Variants in SPATA16 observed in about 807,000 individuals in gnomAD.
SPATA16 encodes spermatogenesis-associated protein 16.
Under a neutral mutation model 63.3 loss-of-function variants are expected in SPATA16, and 36 were observed. That is an observed-to-expected ratio of 0.57 (90% confidence interval 0.44 to 0.75). The LOEUF (loss-of-function observed/expected upper bound fraction) is 0.75, where lower values mean the gene tolerates loss of function less well. Among genes scored for constraint, SPATA16 ranks in the 30% least tolerant of loss-of-function variants. The pLI is 0.00. For synonymous variants in SPATA16, 203 were observed against 216.7 expected, an observed-to-expected ratio of 0.94 and a Z score of 0.56; for missense variants, 646 against 679.3, an observed-to-expected ratio of 0.95 and a Z score of 0.54.
chr3:173,062,291 T>TCC (rs1044422569), intron 2 of SPATA16, among the ~76,000 whole-genome samples: 7 of 152,142 alleles, frequency 4.6e-5, no homozygotes, highest in African/African-American at 1.7e-4. Context: ...TAAACCTTCT[T>TCC]CCCTCCTTGC....
At chr3:172,974,414 G>A (rs1469490728) in intron 5 of SPATA16, among the ~76,000 whole-genome samples, 1 of 152,040 alleles carries the variant, frequency 6.6e-6, no homozygotes, top group Admixed American at 6.6e-5. Flanking sequence ...GAAGTCATCA[G>A]TGAAATTGCT....
At chr3:173,090,551 CT>C (rs1560119797) in intron 2 of SPATA16, among the ~76,000 whole-genome samples, 1 of 152,050 alleles carries the variant, frequency 6.6e-6, no homozygotes, top group Non-Finnish European at 1.5e-5. Context: ...TAATTTTATC[CT>C]TTTTTTGCAA....
chr3:173,092,732 T>C (rs1425905719), intron 2 of SPATA16, among the ~76,000 whole-genome samples: 1 of 152,150 alleles, frequency 6.6e-6, no homozygotes, highest in Non-Finnish European at 1.5e-5. Flanking sequence ...ATAAACTGTA[T>C]TGTTTTAGCC....
chr3:172,998,161 A>G (rs576971976), intron 4 of SPATA16, among the ~76,000 whole-genome samples: 1 of 152,260 alleles, frequency 6.6e-6, no homozygotes, highest in Admixed American at 6.5e-5. Context: ...GAGTCTTCTT[A>G]TTCATGAACA....
chr3:172,956,506 A>G (rs541826261), intron 6 of SPATA16, among the ~76,000 whole-genome samples, 171 bp downstream of exon 6: 1 of 152,194 alleles, frequency 6.6e-6, no homozygotes, highest in Non-Finnish European at 1.5e-5. Flanking sequence ...TGCTAGAACT[A>G]TAAGGCTATC....
intron 2 of SPATA16, among the ~76,000 whole-genome samples, chr3:173,049,698 A>T (rs983629918): frequency 6.6e-6 from 1 of 152,222 alleles, no homozygotes; most frequent in Non-Finnish European, 1.5e-5. Flanking sequence ...AGGACACAGT[A>T]TCTGAAAAAC....
In SPATA16 at chr3:172,969,783, T is replaced by C. The variant is rs77620938; in HGVS notation, c.933+7185A>G. ...GGGCAGAAGAATCTACCCTTTGCTC[T>C]TGGGCTTGATCGTGTGGCTTGCTTT... On this transcript the variant is annotated intron_variant, in intron 5 of 10. Coordinates refer to ENST00000351008, the MANE Select transcript of SPATA16 (RefSeq NM_031955.6). 1.1e-4 allele frequency among the ~76,000 whole-genome samples: 17 copies of C among 152,320 alleles called. 1 individual carries two copies. In the East Asian group the frequency reaches 3.3e-3, roughly 29 times the overall value.
At chr3:173,011,075 T>C (rs756646910) in intron 4 of SPATA16, among the ~76,000 whole-genome samples, 3 of 152,150 alleles carry the variant, frequency 2.0e-5, no homozygotes, top group Non-Finnish European at 4.4e-5. Context: ...GACTTCTCTC[T>C]AAGTTATTCT....
At chr3:173,100,983 C>A (rs1515437) in intron 2 of SPATA16, among the ~76,000 whole-genome samples, 143 of 152,204 alleles carry the variant, frequency 9.4e-4, no homozygotes, top group African/African-American at 3.3e-3. Flanking sequence ...TTACATAATT[C>A]TAATAAACCT....
intron 3 of SPATA16, among the ~76,000 whole-genome samples, chr3:173,032,818 C>T (rs1451542778): frequency 5.9e-5 from 9 of 152,236 alleles, no homozygotes; most frequent in Admixed American, 5.2e-4. Context: ...TTATCATTCA[C>T]CTTTATATAT....
chr3:173,135,149 G>A (rs6778592), intron 1 of SPATA16, among the ~76,000 whole-genome samples: 32,431 of 152,028 alleles, frequency 0.21, 4,029 homozygotes, highest in African/African-American at 0.34. Context: ...TGGGCTAAAC[G>A]TTTTAATAGA....
intron 3 of SPATA16, among the ~76,000 whole-genome samples, chr3:173,036,109 T>G (rs775363725): frequency 6.6e-6 from 1 of 151,996 alleles, no homozygotes; most frequent in African/African-American, 2.4e-5. Flanking sequence ...CTTGTTCCAT[T>G]GTTTACATTT....
chr3:173,088,414 TTA>T (rs1437277479), intron 2 of SPATA16, among the ~76,000 whole-genome samples: 1 of 152,102 alleles, frequency 6.6e-6, no homozygotes, highest in Non-Finnish European at 1.5e-5. Flanking sequence ...TTAATGATAC[TTA>T]TTTTAATTTG....
chr3:172,962,265 A>G (rs1302704329), intron 5 of SPATA16, among the ~76,000 whole-genome samples: 2 of 149,968 alleles, frequency 1.3e-5, no homozygotes, highest in African/African-American at 4.9e-5. Flanking sequence ...AAAAAAAAAA[A>G]AAAAAAAAAA....
chr3:172,937,340 G>T (rs577880886), intron 6 of SPATA16, among the ~76,000 whole-genome samples: 1 of 152,296 alleles, frequency 6.6e-6, no homozygotes, highest in Admixed American at 6.5e-5. Flanking sequence ...AAATGTAAAA[G>T]TTACCAATGG....
chr3:173,075,173 C>T (rs1027972872), intron 2 of SPATA16, among the ~76,000 whole-genome samples: 8 of 149,694 alleles, frequency 5.3e-5, no homozygotes, highest in African/African-American at 2.0e-4. Flanking sequence ...AAAAGGCCTT[C>T]ATGGAGAAAT....
chr3:172,961,341 C>A (rs1733780653), intron 5 of SPATA16, among the ~76,000 whole-genome samples: 1 of 152,090 alleles, frequency 6.6e-6, no homozygotes, highest in African/African-American at 2.4e-5. Context: ...TGGAAGGAAC[C>A]TTAGGAATCT....
At chr3:172,909,089 C>T (rs1162902891) in intron 10 of SPATA16, among the ~76,000 whole-genome samples, 3 of 152,120 alleles carry the variant, frequency 2.0e-5, no homozygotes, top group Non-Finnish European at 2.9e-5. Context: ...ATTGGCTGCT[C>T]ACCAGTGAGC....
chr3:173,114,383 T>G (rs1366506131), intron 2 of SPATA16, among the ~76,000 whole-genome samples: 1 of 152,122 alleles, frequency 6.6e-6, no homozygotes, highest in Non-Finnish European at 1.5e-5. Flanking sequence ...AAATTTTGGT[T>G]AATGGGAAAA....
Sources: allele counts gnomAD v4.1 joint callset (sites outside exome capture counted in the v4.1 genomes callset), GRCh38; gene constraint gnomAD v4.1.1; transcripts MANE v1.5; gene names NCBI Gene and HGNC (gene_info 2026-07-23, HGNC 2026-07-21).